The following SYN3 variants were observed in gnomAD, a reference collection of about 807,000 sequenced individuals.
SYN3 encodes the protein synapsin III, also known as synapsin-3.
A neutral mutation model predicts 65.8 loss-of-function variants in SYN3; 35 were observed. That is an observed-to-expected ratio of 0.53 (90% CI 0.41 to 0.70). The LOEUF (loss-of-function observed/expected upper bound fraction) is 0.70. Among genes scored for constraint, SYN3 ranks in the 30% least tolerant of loss-of-function variants. The probability of loss-of-function intolerance (pLI) is 0.00; values close to 1 mark genes in which losing one functional copy is unlikely to be tolerated. For missense variants in SYN3, 680 were observed against 749.0 expected, an observed-to-expected ratio of 0.91 and a Z score of 1.08; for synonymous variants, 270 against 292.9, an observed-to-expected ratio of 0.92 and a Z score of 0.80.
chr22:32,989,314 T>C (rs745868648), intron 2 of SYN3, among the ~76,000 whole-genome samples: 3 of 152,192 alleles, frequency 2.0e-5, no homozygotes, highest in Non-Finnish European at 4.4e-5. Flanking sequence ...GTTTAACTAA[T>C]GTTCATCTCT....
At chr22:32,845,543 G>A (rs1198469299) in intron 6 of SYN3, among the ~76,000 whole-genome samples, 2 of 151,206 alleles carry the variant, frequency 1.3e-5, no homozygotes, top group South Asian at 2.1e-4. Context: ...CAGTGGAAGC[G>A]GGAAATAGGA....
intron 6 of SYN3, chr22:32,833,877 T>C (rs2047651755): frequency 2.0e-6 from 1 of 499,682 alleles, no homozygotes; most frequent in African/African-American, 2.0e-5. Context: ...TGATAGCTGA[T>C]GGCACCTATT....
At chr22:32,758,460 T>C (rs765566494) in intron 6 of SYN3, among the ~76,000 whole-genome samples, 3 of 151,284 alleles carry the variant, frequency 2.0e-5, no homozygotes, top group Non-Finnish European at 2.9e-5. Flanking sequence ...AATCTAATCA[T>C]CTGCCAGTGA....
In SYN3 at chr22:32,536,447, T is replaced by G. The variant is rs557339170; in HGVS notation, c.992+1589A>C. 2.4e-3 allele frequency among the ~76,000 whole-genome samples: 370 copies of G among 152,278 alleles called. 4 individuals carry two copies. Among genetic ancestry groups the G allele is most frequent in the African/African-American group, 8.3e-3 (346 of 41,556 alleles). On this transcript the variant is annotated intron_variant, in intron 9 of 13. Transcript: ENST00000358763. ...ACTTGGGTATTACTACTGCTTTCGTTTTGCAGTTGAAGAAGCTCAGAAAGC... is the reference window on the plus strand; with the variant it reads ...ACTTGGGTATTACTACTGCTTTCGTGTTGCAGTTGAAGAAGCTCAGAAAGC...
At chr22:32,515,429 G>A (rs984722639) in intron 13 of SYN3, among the ~76,000 whole-genome samples, 1 of 152,182 alleles carries the variant, frequency 6.6e-6, no homozygotes, top group Admixed American at 6.5e-5. Flanking sequence ...GAAGCACAGC[G>A]AGGTTAGGCA....
chr22:32,743,152 C>A (rs1031163064), intron 6 of SYN3, among the ~76,000 whole-genome samples: 4 of 152,048 alleles, frequency 2.6e-5, no homozygotes, highest in Non-Finnish European at 5.9e-5. Context: ...TTTCAGTTAC[C>A]CCCTGAGTGA....
Position 32,911,557 on chromosome 22 carries a change from A to G in SYN3, c.461+19833T>C, listed in dbSNP as rs190744083. Among the ~76,000 whole-genome samples, 111 of 152,278 alleles carry G rather than the reference A, an allele frequency of 7.3e-4. No homozygotes were observed. The East Asian group carries it at 0.021, about 28-fold the overall frequency. ...GGGCCTGGGATGGGAGGGGGGCAGC[A>G]GGAGCATGGAGGCAGCGCAGGCAGG... On this transcript the variant is annotated intron_variant, in intron 4 of 13. Transcript: ENST00000358763.
At chr22:32,715,691 A>G (rs1351362464) in intron 6 of SYN3, among the ~76,000 whole-genome samples, 4 of 148,242 alleles carry the variant, frequency 2.7e-5, no homozygotes, top group Non-Finnish European at 5.9e-5. Context: ...GAGGCAGAGA[A>G]TTGCTTGAAC....
intron 6 of SYN3, among the ~76,000 whole-genome samples, chr22:32,784,362 G>C (rs1239848199): frequency 2.6e-5 from 4 of 152,224 alleles, no homozygotes; most frequent in Non-Finnish European, 5.9e-5. Flanking sequence ...TGCTGGCTTT[G>C]AAGAAGCAGG....
Position 32,772,182 on chromosome 22 carries a change from G to T in SYN3, c.711+92733C>A, listed in dbSNP as rs143434149. Among the ~76,000 whole-genome samples, 225 of 151,448 alleles carry T rather than the reference G, an allele frequency of 1.5e-3. 2 individuals are homozygous for T. The highest frequency in any genetic ancestry group is 3.5e-3 in the African/African-American group (143 of 40,826). On this transcript the variant is annotated intron_variant, in intron 6 of 13. Coordinates refer to ENST00000358763, the MANE Select transcript of SYN3 (RefSeq NM_003490.4). ...CCCTGAGGATAGTGCTGGGCCACAG[G>T]GGGGGAGAAAAGCAGGACCAGAAGG...
intron 7 of SYN3, among the ~76,000 whole-genome samples, chr22:32,572,454 C>CCTTCCTTCCT (rs2058787968): frequency 1.4e-4 from 1 of 7,182 alleles, no homozygotes; most frequent in Non-Finnish European, 4.3e-4. Context: ...TTCCTTTCCT[C>CCTTCCTTCCT]CCTTCCTTCC....
At chr22:32,856,139 G>C (rs981957478) in intron 6 of SYN3, among the ~76,000 whole-genome samples, 3 of 152,348 alleles carry the variant, frequency 2.0e-5, no homozygotes, top group African/African-American at 7.2e-5. Context: ...GAATGTTTTT[G>C]TGGGCTGGAA....
chr22:32,525,524 G>A (rs900821748), intron 12 of SYN3, among the ~76,000 whole-genome samples: 3 of 151,978 alleles, frequency 2.0e-5, no homozygotes, highest in South Asian at 2.1e-4. Flanking sequence ...TGGCAAACAC[G>A]GTGAAACCCC....
chr22:32,678,583 C>CCTCCTTCTT (rs967121445), intron 6 of SYN3, among the ~76,000 whole-genome samples: 13 of 151,498 alleles, frequency 8.6e-5, no homozygotes, highest in Middle Eastern at 3.4e-3. Flanking sequence ...CTCCTCTCCT[C>CCTCCTTCTT]CTCCTTCTTC....
chr22:32,668,740 G>C (rs1476838685), intron 6 of SYN3, among the ~76,000 whole-genome samples: 1 of 152,128 alleles, frequency 6.6e-6, no homozygotes, highest in African/African-American at 2.4e-5. Context: ...TGGGGATGAG[G>C]GCAGGGAGAA....
At chr22:32,706,777 C>A (rs1442609554) in intron 6 of SYN3, among the ~76,000 whole-genome samples, 1 of 152,250 alleles carries the variant, frequency 6.6e-6, no homozygotes, top group Non-Finnish European at 1.5e-5. Flanking sequence ...ATGTACCCCA[C>A]TGTTTTCTTT....
At chr22:32,752,445 C>A (rs117193578) in intron 6 of SYN3, among the ~76,000 whole-genome samples, 5 of 152,366 alleles carry the variant, frequency 3.3e-5, no homozygotes, top group African/African-American at 1.2e-4. Context: ...CTGGCCCCAG[C>A]CTCCCTTCAG....
intron 2 of SYN3, among the ~76,000 whole-genome samples, chr22:32,990,293 C>CATCCATGA (rs1431202142): frequency 7.0e-6 from 1 of 142,348 alleles, no homozygotes; most frequent in Non-Finnish European, 1.5e-5. Flanking sequence ...TCCATGAATC[C>CATCCATGA]ATCCATGAAT....
chr22:32,541,639 G>C lies in SYN3; in HGVS notation c.849C>G (p.Thr283=), dbSNP rs749248197. The part of the protein sequence containing the change: ...VVAMAKTYAT[T]EAFIDSKYDI... The stretch of plus-strand genomic sequence containing the variant: ...CGTACTTGGAGTCGATGAAGGCCTC[G>C]GTGGTGGCGTAGGTTTTGGCCATGG... The change falls in exon 8 of 14, where the codon ACC becomes ACG. Residue 283 remains threonine, a synonymous_variant. Transcript: ENST00000358763. 5 of 1,614,142 alleles carry C rather than the reference G, an allele frequency of 3.1e-6. No homozygotes were observed. The Admixed American group carries it at 8.3e-5, about 27-fold the overall frequency.
Sources: allele counts gnomAD v4.1 joint callset (sites outside exome capture counted in the v4.1 genomes callset), GRCh38; gene constraint gnomAD v4.1.1; transcripts MANE v1.5; gene names NCBI Gene and HGNC (gene_info 2026-07-23, HGNC 2026-07-21).